NKAIN2: variants seen among roughly 807,000 people sequenced by gnomAD.
The protein encoded by NKAIN2 is sodium/potassium transporting ATPase interacting 2, also known as sodium/potassium-transporting ATPase subunit beta-1-interacting protein 2.
In NKAIN2, 14 loss-of-function variants were observed where a neutral mutation model predicts 32.6. The observed-to-expected ratio is 0.43, with a 90% CI of 0.28 to 0.67. NKAIN2 has a LOEUF of 0.67. NKAIN2 is among the 30% of genes least tolerant of loss of function. The pLI is 0.17. For missense variants in NKAIN2, 198 were observed against 258.3 expected (o/e 0.77, Z 1.60); for synonymous variants, 80 against 87.2 (o/e 0.92, Z 0.46).
intron 1 of NKAIN2, among the ~76,000 whole-genome samples, chr6:124,144,361 G>A (rs995117489): frequency 3.3e-5 from 5 of 152,184 alleles, no homozygotes; most frequent in Non-Finnish European, 7.3e-5. Context: ...ATCCATGAAA[G>A]AGGTGACATT....
intron 1 of NKAIN2, among the ~76,000 whole-genome samples, chr6:124,000,268 A>C (rs544351436): frequency 6.6e-6 from 1 of 152,186 alleles, no homozygotes; most frequent in Admixed American, 6.5e-5. Context: ...ATTAAAACAA[A>C]AAGTCCCAGA....
At chr6:124,711,051 G>C (rs1360341126) in intron 4 of NKAIN2, among the ~76,000 whole-genome samples, 6 of 146,776 alleles carry the variant, frequency 4.1e-5, no homozygotes, top group Non-Finnish European at 7.5e-5. Flanking sequence ...CTTAGCATTT[G>C]CTTGTCTGTA....
At chr6:124,476,147 A>G (rs1039835554) in intron 3 of NKAIN2, among the ~76,000 whole-genome samples, 2 of 150,298 alleles carry the variant, frequency 1.3e-5, no homozygotes, top group Admixed American at 1.3e-4. Context: ...ATAATTTCTT[A>G]TCCTTGGACT....
At chr6:124,054,306 G>A (rs1164635957) in intron 1 of NKAIN2, among the ~76,000 whole-genome samples, 1 of 152,084 alleles carries the variant, frequency 6.6e-6, no homozygotes, top group Non-Finnish European at 1.5e-5. Flanking sequence ...AAGCCTGACA[G>A]TGTAAAATAG....
chr6:124,318,802 A>G (rs1797062369), intron 2 of NKAIN2, among the ~76,000 whole-genome samples: 2 of 152,016 alleles, frequency 1.3e-5, no homozygotes, highest in African/African-American at 2.4e-5. Flanking sequence ...TCAAAGCCAG[A>G]CCCTAAAATT....
chr6:124,403,614 T>C (rs1773721726), intron 3 of NKAIN2, among the ~76,000 whole-genome samples: 1 of 152,212 alleles, frequency 6.6e-6, no homozygotes, highest in Non-Finnish European at 1.5e-5. Flanking sequence ...GCATCCACTA[T>C]GTGCTAAGAA....
At chr6:123,841,379 T>G (rs1357424596) in intron 1 of NKAIN2, among the ~76,000 whole-genome samples, 3 of 152,208 alleles carry the variant, frequency 2.0e-5, no homozygotes, top group African/African-American at 7.2e-5. Context: ...CAGAGTATAG[T>G]ATATGTGTTT....
chr6:123,955,109 T>A (rs995969129), intron 1 of NKAIN2, among the ~76,000 whole-genome samples: 1 of 148,528 alleles, frequency 6.7e-6, no homozygotes, highest in African/African-American at 2.5e-5. Context: ...CCAGAAACTT[T>A]AAGCAAATAT....
chr6:124,560,313 A>C (rs1006518137), intron 3 of NKAIN2, among the ~76,000 whole-genome samples: 1 of 152,162 alleles, frequency 6.6e-6, no homozygotes, highest in Non-Finnish European at 1.5e-5. Context: ...TTCTGCCACC[A>C]TGTGAAGAAG....
intron 2 of NKAIN2, among the ~76,000 whole-genome samples, chr6:124,304,665 C>T (rs1176329817): frequency 6.6e-6 from 1 of 151,402 alleles, no homozygotes; most frequent in African/African-American, 2.4e-5. Context: ...CCTGTAATCC[C>T]AGCACTTTGG....
intron 1 of NKAIN2, among the ~76,000 whole-genome samples, chr6:123,917,019 AG>A (rs1185710925): frequency 6.6e-6 from 1 of 152,192 alleles, no homozygotes; most frequent in East Asian, 1.9e-4. Flanking sequence ...GAACAACAGA[AG>A]GCTTAACATC....
chr6:124,745,889 G>T (rs888762706), intron 4 of NKAIN2, among the ~76,000 whole-genome samples: 2 of 151,734 alleles, frequency 1.3e-5, no homozygotes, highest in African/African-American at 2.4e-5. Flanking sequence ...GACCTCCTAT[G>T]GCATACATTT....
intron 3 of NKAIN2, among the ~76,000 whole-genome samples, chr6:124,389,667 C>A (rs1978514): frequency 0.33 from 49,323 of 150,602 alleles, 8,927 homozygotes; most frequent in South Asian, 0.51. Flanking sequence ...AGATCCTCAC[C>A]CTCTTTCTCT....
At chr6:123,925,357 G>A (rs1031493985) in intron 1 of NKAIN2, among the ~76,000 whole-genome samples, 1 of 152,194 alleles carries the variant, frequency 6.6e-6, no homozygotes, top group African/African-American at 2.4e-5. Context: ...AACACTAGCA[G>A]TATTTTTGAA....
At chr6:124,301,213 G>A (rs1056382518) in intron 2 of NKAIN2, among the ~76,000 whole-genome samples, 2 of 152,224 alleles carry the variant, frequency 1.3e-5, no homozygotes, top group Admixed American at 1.3e-4. Context: ...TGGCTTCAGA[G>A]GGTGCAAGCC....
intron 3 of NKAIN2, among the ~76,000 whole-genome samples, chr6:124,628,056 C>T (rs1783424440): frequency 6.6e-6 from 1 of 152,186 alleles, no homozygotes; most frequent in South Asian, 2.1e-4. Context: ...CACACACATA[C>T]ACATACATGA....
At chr6:124,602,426 T>C (rs997593500) in intron 3 of NKAIN2, among the ~76,000 whole-genome samples, 1 of 152,014 alleles carries the variant, frequency 6.6e-6, no homozygotes, top group Admixed American at 6.6e-5. Context: ...GCTAGTTCTT[T>C]TGAAAATAAC....
At position 124,438,000 on chromosome 6, in the gene NKAIN2, A is replaced by T. The variant is rs622026; in HGVS notation, c.273+82653A>T. On this transcript the variant is annotated intron_variant, in intron 3 of 6. Transcript: ENST00000368417. ...TATCTGGAAATACAGAGGCATGTGG[A>T]TATAGCAAGAAAGCCCATTGGCATC... 7.7e-5 allele frequency: 30 copies of T among 388,302 alleles called. No homozygotes were observed. In the East Asian group the frequency reaches 1.2e-3, roughly 15 times the overall value. The allele number at this position is 388,302 out of a possible 1,614,324, so 24.1% of individuals were successfully genotyped here.
chr6:124,595,572 T>C (rs1185094317), intron 3 of NKAIN2, among the ~76,000 whole-genome samples: 1 of 152,198 alleles, frequency 6.6e-6, no homozygotes, highest in Non-Finnish European at 1.5e-5. Flanking sequence ...GCCCAGCTTG[T>C]CTCTAGATAT....
Sources: allele counts gnomAD v4.1 joint callset (sites outside exome capture counted in the v4.1 genomes callset), GRCh38; gene constraint gnomAD v4.1.1; transcripts MANE v1.5; gene names NCBI Gene and HGNC (gene_info 2026-07-23, HGNC 2026-07-21).